The following SCN3B variants were observed in gnomAD, a reference collection of about 807,000 sequenced individuals.
SCN3B encodes sodium channel regulatory subunit beta-3.
SCN3B carries 11 observed loss-of-function variants against 25.4 expected under a neutral mutation model. That is an observed-to-expected ratio of 0.43 (90% confidence interval 0.27 to 0.72). The LOEUF (loss-of-function observed/expected upper bound fraction) is 0.72. SCN3B is among the 30% of genes least tolerant of loss of function. The pLI is 0.18. For missense variants in SCN3B, 218 were observed against 278.3 expected (o/e 0.78, Z 1.54); for synonymous variants, 109 against 110.7 (o/e 0.99, Z 0.09).
At chr11:123,645,975 A>ATTGACTGAAATCC (rs1373369087) in intron 2 of SCN3B, among the ~76,000 whole-genome samples, 3 of 152,148 alleles carry the variant, frequency 2.0e-5, no homozygotes, top group Non-Finnish European at 2.9e-5. Context: ...TGATCTAGAC[A>ATTGACTGAAATCC]TTGACTGAAA....
chr11:123,639,250 T>G (rs985451266), intron 4 of SCN3B: 12 of 152,446 alleles, frequency 7.9e-5, no homozygotes, highest in African/African-American at 2.6e-4. Flanking sequence ...CGGCTAGTTC[T>G]GTGCTAATAT....
intron 5 of SCN3B, among the ~76,000 whole-genome samples, chr11:123,636,506 C>T (rs781762115): frequency 3.9e-4 from 60 of 152,172 alleles, no homozygotes; most frequent in Non-Finnish European, 7.5e-4. Flanking sequence ...GGTTTCAACA[C>T]ATAGATGATA....
rs77623834 is a variant in SCN3B at position 123,647,343 on chromosome 11, A to G, written c.56-1593T>C. ...ATAAAATAAAATAAAAATTAGCCAA[A>G]CATGGTAACACACAACTGTAGTCCC... On this transcript the variant is annotated intron_variant, in intron 2 of 6. Transcript: ENST00000299333. 3.9e-4 allele frequency among the ~76,000 whole-genome samples: 59 copies of G among 152,202 alleles called. 1 individual carries two copies. In the East Asian group the frequency reaches 0.01, roughly 26 times the overall value.
chr11:123,635,723 C>T lies in SCN3B; in HGVS notation c.585-1517G>A, dbSNP rs74236746. ...AGAAAACAAAGGAAACCTTCATCTC[C>T]GATAAGACAAATCCTACCAACCTCT... On this transcript the variant is annotated intron_variant, in intron 5 of 6. Coordinates refer to ENST00000299333, the MANE Select transcript of SCN3B (RefSeq NM_001040151.2). Among the ~76,000 whole-genome samples the T allele has an allele frequency of 1.0e-3, 155 of 151,916 alleles. 3 individuals are homozygous for T. In the East Asian group the frequency reaches 0.026, roughly 26 times the overall value.
intron 2 of SCN3B, among the ~76,000 whole-genome samples, chr11:123,648,253 A>C (rs1210758779): frequency 6.6e-6 from 1 of 152,260 alleles, no homozygotes; most frequent in Non-Finnish European, 1.5e-5. Context: ...GGGTGAAGAT[A>C]GAATCTGGCA....
At position 123,633,577 on chromosome 11, in the gene SCN3B, G is replaced by C. The variant is rs1332443286; in HGVS notation, c.*222C>G. On this transcript the variant is annotated 3_prime_UTR_variant, in exon 7 of 7. Coordinates refer to ENST00000299333, the MANE Select transcript of SCN3B (RefSeq NM_001040151.2). Reference sequence around the variant, plus strand: ...GTAGAAATGTTGGCTTCTCAGTTCTGGCAGAGTCTTATGGTGCGTAGAGGT... The same window carrying C: ...GTAGAAATGTTGGCTTCTCAGTTCTCGCAGAGTCTTATGGTGCGTAGAGGT... The C allele has an allele frequency of 6.0e-6, 1 of 166,150 alleles. No individual in the cohort carries two copies. Among genetic ancestry groups the C allele is most frequent in the African/African-American group, 2.4e-5 (1 of 41,746 alleles). The allele number at this position is 166,150 out of a possible 1,614,324, so 10.3% of individuals were successfully genotyped here.
intron 3 of SCN3B, among the ~76,000 whole-genome samples, chr11:123,643,844 CA>C (rs1955817857): frequency 6.6e-6 from 1 of 152,262 alleles, no homozygotes; most frequent in African/African-American, 2.4e-5. Flanking sequence ...GCCTCAGTTG[CA>C]GCTTCATTGA....
rs1021700970 is a variant in SCN3B, at chr11:123,642,360, G to A, written c.445+86C>T. 2 of 1,288,872 alleles carry A rather than the reference G, an allele frequency of 1.6e-6. No individual in the cohort carries two copies. The highest frequency in any genetic ancestry group is 2.9e-5 in the African/African-American group (2 of 68,412). The allele number at this position is 1,288,872 out of a possible 1,614,324, so 79.8% of individuals were successfully genotyped here. Reference sequence around the variant, plus strand: ...ATACATGGGTTTTTGCACTCTTTAAGGGCCTCACTCGTGGAAAACTGCTGT... The same window carrying A: ...ATACATGGGTTTTTGCACTCTTTAAAGGCCTCACTCGTGGAAAACTGCTGT... On this transcript the variant is annotated intron_variant, in intron 4 of 6. Transcript: ENST00000299333. This position sits in a 1 kb window ranked among gnomAD's most constrained non-coding sequence, Gnocchi z 4.3.
At chr11:123,644,794 AGAGAGAAT>A (rs1411656665) in intron 3 of SCN3B, among the ~76,000 whole-genome samples, 7 of 89,098 alleles carry the variant, frequency 7.9e-5, no homozygotes, top group African/African-American at 1.7e-4. Context: ...AGAGAGAGAG[AGAGAGAAT>A]ATATATATAT....
chr11:123,654,450 C>G lies in SCN3B; in HGVS notation c.-250G>C, dbSNP rs1311466659. ...GGGCCGGGAAGGAAGCGGCAGCTCCCGTTCGGCCGGCGATGTCAGAGGTTG... is the reference window on the plus strand; with the variant it reads ...GGGCCGGGAAGGAAGCGGCAGCTCCGGTTCGGCCGGCGATGTCAGAGGTTG... On this transcript the variant is annotated 5_prime_UTR_variant, in exon 1 of 7. Coordinates refer to ENST00000299333, the MANE Select transcript of SCN3B (RefSeq NM_001040151.2). 1 of 155,136 alleles carries G rather than the reference C, an allele frequency of 6.4e-6. No homozygotes were observed. The highest frequency in any genetic ancestry group is 6.3e-5 in the Admixed American group (1 of 15,980). 9.6% of individuals were successfully genotyped at this position (155,136 alleles called of 1,614,324 possible).
In SCN3B at chr11:123,641,601, G is replaced by C. The variant is rs1301902560; in HGVS notation, c.445+845C>G. 2.6e-5 allele frequency among the ~76,000 whole-genome samples: 4 copies of C among 152,218 alleles called. No individual in the cohort carries two copies. In the East Asian group the frequency reaches 7.7e-4, roughly 29 times the overall value. On this transcript the variant is annotated intron_variant, in intron 4 of 6. Transcript: ENST00000299333. The stretch of plus-strand genomic sequence containing the variant: ...GCTGGAGATAGACTGAGAAAGGCTG[G>C]AACTCCCCCCTCAGGATGCAGGACT...
At position 123,631,170 on chromosome 11, in the gene SCN3B, G is replaced by A. The variant is rs886047890; in HGVS notation, c.*2629C>T. ...GATAACCTGTCAAGGATAAATAAGT[G>A]ATAGATACCATTCAGCTTCATTAAA... On this transcript the variant is annotated 3_prime_UTR_variant, in exon 7 of 7. Coordinates refer to ENST00000299333, the MANE Select transcript of SCN3B (RefSeq NM_001040151.2). The A allele has an allele frequency of 1.3e-5, 2 of 152,156 alleles. No individual in the cohort carries two copies. Among genetic ancestry groups the A allele is most frequent in the Non-Finnish European group, 2.9e-5 (2 of 68,038 alleles). 9.4% of individuals were successfully genotyped at this position (152,156 alleles called of 1,614,324 possible).
At chr11:123,647,724 A>G (rs1955869957) in intron 2 of SCN3B, among the ~76,000 whole-genome samples, 1 of 152,218 alleles carries the variant, frequency 6.6e-6, no homozygotes. Flanking sequence ...ACACTGCCAT[A>G]AATTAATTTT....
chr11:123,644,090 G>A (rs549718814), intron 3 of SCN3B, among the ~76,000 whole-genome samples: 8 of 152,326 alleles, frequency 5.3e-5, no homozygotes, highest in African/African-American at 1.2e-4. Flanking sequence ...AAGCAGTGCC[G>A]TAAAAAGGGC....
chr11:123,650,269 G>A (rs192600014), intron 2 of SCN3B, among the ~76,000 whole-genome samples: 1 of 152,256 alleles, frequency 6.6e-6, no homozygotes, highest in African/African-American at 2.4e-5. Context: ...AAAGAATTAT[G>A]AACCAGCTTC....
rs1955671625 is a variant in SCN3B, at chr11:123,631,465, C to T, written c.*2334G>A. 1 of 152,080 alleles carries T rather than the reference C, an allele frequency of 6.6e-6. No individual in the cohort carries two copies. Among genetic ancestry groups the T allele is most frequent in the African/African-American group, 2.4e-5 (1 of 41,402 alleles). The allele number at this position is 152,080 out of a possible 1,614,324, so 9.4% of individuals were successfully genotyped here. ...TCAGAGGGATTGTGTGGAAAATTACCAATAAGAAGAGTCTTGAATTTATTG... is the reference window on the plus strand; with the variant it reads ...TCAGAGGGATTGTGTGGAAAATTACTAATAAGAAGAGTCTTGAATTTATTG... On this transcript the variant is annotated 3_prime_UTR_variant, in exon 7 of 7. Transcript: ENST00000299333.
Position 123,631,545 on chromosome 11 carries a change from G to A in SCN3B, c.*2254C>T, listed in dbSNP as rs1288421920. ...TTTAATGTGTTAACGGTCTGGTTTT[G>A]GGCCAGGCACAGTTGCTCAGGCCTG... On this transcript the variant is annotated 3_prime_UTR_variant, in exon 7 of 7. Coordinates refer to ENST00000299333, the MANE Select transcript of SCN3B (RefSeq NM_001040151.2). 6.6e-6 allele frequency: 1 copy of A among 152,072 alleles called. No homozygotes were observed. The highest frequency in any genetic ancestry group is 1.5e-5 in the Non-Finnish European group (1 of 68,016). The allele number at this position is 152,072 out of a possible 1,614,324, so 9.4% of individuals were successfully genotyped here.
chr11:123,634,336 A>G lies in SCN3B; in HGVS notation c.585-130T>C, dbSNP rs72552145. The G allele has an allele frequency of 0.026, 20,102 of 759,372 alleles. 389 individuals are homozygous for G. Among genetic ancestry groups the G allele is most frequent in the Non-Finnish European group, 0.037 (16,203 of 436,202 alleles). 47.0% of individuals were successfully genotyped at this position (759,372 alleles called of 1,614,324 possible). On this transcript the variant is annotated intron_variant, in intron 5 of 6. Transcript: ENST00000299333. ...TGCATTTCCTTCTGCTGTGTTTCTC[A>G]AGAGAAAAACAACCTTTTCTGCAGA... is the stretch of plus-strand genomic sequence containing the variant.
chr11:123,653,793 G>T lies in SCN3B; in HGVS notation c.9C>A (p.Ala3=), dbSNP rs780224862. Residue 3 remains alanine (A), a synonymous_variant, in exon 2 of 7, where the codon GCC becomes GCA. Coordinates refer to ENST00000299333, the MANE Select transcript of SCN3B (RefSeq NM_001040151.2). The part of the protein sequence containing the change: MP[A]FNRLFPLASL... ...AAGCCAGGGGAAACAATCTATTGAAGGCAGGCATCTTCTGGGGCTGGCGGC... is the reference window on the plus strand; with the variant it reads ...AAGCCAGGGGAAACAATCTATTGAATGCAGGCATCTTCTGGGGCTGGCGGC... The T allele has an allele frequency of 6.2e-7, 1 of 1,614,246 alleles. No individual in the cohort carries two copies. Among genetic ancestry groups the T allele is most frequent in the Non-Finnish European group, 8.5e-7 (1 of 1,180,036 alleles).
Sources: allele counts gnomAD v4.1 joint callset (sites outside exome capture counted in the v4.1 genomes callset), GRCh38; gene constraint gnomAD v4.1.1; non-coding constraint Gnocchi (gnomAD v3.1); transcripts MANE v1.5; gene names NCBI Gene and HGNC (gene_info 2026-07-23, HGNC 2026-07-21).